The following CDC73 variants were observed in gnomAD, a reference collection of about 807,000 sequenced individuals.
The protein encoded by CDC73 is parafibromin.
In CDC73, 21 loss-of-function variants were observed where a neutral mutation model predicts 83.7. That is an observed-to-expected ratio of 0.25 (90% confidence interval 0.18 to 0.36). The LOEUF is 0.36. Among genes scored for constraint, CDC73 ranks in the 10% least tolerant of loss-of-function variants. The pLI is 1.00. For missense variants in CDC73, 342 were observed against 653.3 expected, an observed-to-expected ratio of 0.52 and a Z score of 5.19; for synonymous variants, 224 against 212.9, an observed-to-expected ratio of 1.05 and a Z score of -0.45.
At chr1:193,204,283 A>G (rs1305472880) in intron 11 of CDC73, among the ~76,000 whole-genome samples, 156 of 131,990 alleles carry the variant, frequency 1.2e-3, no homozygotes, top group African/African-American at 4.1e-3. Context: ...GTGTGTATAT[A>G]TATATTTTTT....
Position 193,254,019 on chromosome 1 carries a change from A to G in CDC73, c.*3307A>G. 1 of 223,044 alleles carries G rather than the reference A, an allele frequency of 4.5e-6. No homozygotes were observed. Among genetic ancestry groups the G allele is most frequent in the East Asian group, 6.7e-5 (1 of 14,988 alleles). 13.8% of individuals were successfully genotyped at this position (223,044 alleles called of 1,614,324 possible). On this transcript the variant is annotated 3_prime_UTR_variant, in exon 17 of 17. Transcript: ENST00000367435. ...TTATAATATTACAAATACAACAATT[A>G]TTTATAAAAGCTAGTCAAATTAATG...
At chr1:193,189,615 T>C in intron 10 of CDC73, among the ~76,000 whole-genome samples, 1 of 152,230 alleles carries the variant, frequency 6.6e-6, no homozygotes, top group East Asian at 1.9e-4. Flanking sequence ...GCAAAATAGG[T>C]GGCCGTTACT....
At chr1:193,133,742 G>A (rs1411555615) in intron 3 of CDC73, among the ~76,000 whole-genome samples, 2 of 152,064 alleles carry the variant, frequency 1.3e-5, no homozygotes, top group Non-Finnish European at 2.9e-5. Flanking sequence ...CACAGATAAA[G>A]GGCTAATCTC....
chr1:193,244,209 A>G (rs1393999119), intron 15 of CDC73, among the ~76,000 whole-genome samples: 1 of 152,250 alleles, frequency 6.6e-6, no homozygotes, highest in Non-Finnish European at 1.5e-5. Flanking sequence ...TCATTATTTT[A>G]TAACCTACCT....
chr1:193,216,982 A>G (rs528742129), intron 13 of CDC73, among the ~76,000 whole-genome samples: 2 of 152,188 alleles, frequency 1.3e-5, no homozygotes, highest in African/African-American at 2.4e-5. Flanking sequence ...AGCCAACATC[A>G]TACTGAATAG....
At chr1:193,215,535 A>G (rs1265825925) in intron 13 of CDC73, among the ~76,000 whole-genome samples, 1 of 152,130 alleles carries the variant, frequency 6.6e-6, no homozygotes, top group Non-Finnish European at 1.5e-5. Context: ...ACAGTTACAT[A>G]GAAATTAAAC....
intron 15 of CDC73, among the ~76,000 whole-genome samples, chr1:193,242,774 G>A (rs1206365748): frequency 6.6e-6 from 1 of 152,018 alleles, no homozygotes; most frequent in Admixed American, 6.6e-5. Context: ...TATTAAAAGG[G>A]CACCTCTTTG....
intron 11 of CDC73, among the ~76,000 whole-genome samples, chr1:193,209,887 C>G (rs925381557): frequency 2.0e-5 from 3 of 152,096 alleles, no homozygotes; most frequent in Admixed American, 2.0e-4. Context: ...TCCCCCCTCT[C>G]TGCCTTCCTT....
intron 10 of CDC73, among the ~76,000 whole-genome samples, chr1:193,168,805 G>A (rs1452910355): frequency 1.3e-5 from 2 of 152,214 alleles, no homozygotes; most frequent in African/African-American, 4.8e-5. Context: ...GATTACACGC[G>A]TGAGCCACAG....
chr1:193,131,530 C>T lies in CDC73; in HGVS notation c.307+1287C>T, dbSNP rs139400107. 4.1e-4 allele frequency among the ~76,000 whole-genome samples: 63 copies of T among 152,262 alleles called. No individual in the cohort carries two copies. In the East Asian group the frequency reaches 4.6e-3, roughly 11 times the overall value. On this transcript the variant is annotated intron_variant, in intron 3 of 16. Transcript: ENST00000367435. ...AAAAAGTATATAAACTTGATTGTGT[C>T]ACTCACCTGTGGCTTCCCATCACTC...
In CDC73 at chr1:193,253,756, T is replaced by A. The variant is rs1678085137; in HGVS notation, c.*3044T>A. 4.3e-6 allele frequency: 1 copy of A among 231,112 alleles called. No homozygotes were observed. Among genetic ancestry groups the A allele is most frequent in the Non-Finnish European group, 8.6e-6 (1 of 116,768 alleles). The allele number at this position is 231,112 out of a possible 1,614,324, so 14.3% of individuals were successfully genotyped here. A position where few individuals can be genotyped will look rare whatever the true frequency, so the allele number is the denominator to read the frequency against. ...CATGTAGAATGAGACAAATACAGTT[T>A]GCTTATGAAAGGAAAGTGGCATACT... On this transcript the variant is annotated 3_prime_UTR_variant, in exon 17 of 17. Transcript: ENST00000367435.
chr1:193,219,928 G>C (rs552270137), intron 13 of CDC73, among the ~76,000 whole-genome samples: 14 of 152,300 alleles, frequency 9.2e-5, no homozygotes, highest in Non-Finnish European at 1.8e-4. Flanking sequence ...TTCTGGTCTT[G>C]ATAGTAGTGT....
At chr1:193,123,187 G>A (rs1177101490) in intron 1 of CDC73, among the ~76,000 whole-genome samples, 1 of 152,150 alleles carries the variant, frequency 6.6e-6, no homozygotes, top group African/African-American at 2.4e-5. Flanking sequence ...GCTTTATGAA[G>A]AGTCGATGAA....
At chr1:193,246,717 C>G (rs956426187) in intron 15 of CDC73, among the ~76,000 whole-genome samples, 2 of 152,100 alleles carry the variant, frequency 1.3e-5, no homozygotes, top group Non-Finnish European at 1.5e-5. Flanking sequence ...AGAAAAATCT[C>G]TTTATCCTCT....
At chr1:193,181,253 G>A (rs1676710258) in intron 10 of CDC73, 6 of 1,613,982 alleles carry the variant, frequency 3.7e-6, no homozygotes, top group Non-Finnish European at 5.1e-6. Flanking sequence ...TGTGGTGACA[G>A]GTCTGTGTTA....
chr1:193,242,135 C>G (rs915784297), intron 15 of CDC73, among the ~76,000 whole-genome samples: 10 of 145,830 alleles, frequency 6.9e-5, no homozygotes, highest in African/African-American at 2.4e-4. Context: ...GGTGCTTCCC[C>G]CACCCCGACT....
chr1:193,161,501 A>T (rs762298368), intron 10 of CDC73, among the ~76,000 whole-genome samples: 1 of 144,222 alleles, frequency 6.9e-6, no homozygotes, highest in Admixed American at 7.5e-5. Flanking sequence ...TTGAAACTAT[A>T]TAAGATCAAA....
At chr1:193,189,154 A>G (rs949429379) in intron 10 of CDC73, among the ~76,000 whole-genome samples, 4 of 152,086 alleles carry the variant, frequency 2.6e-5, no homozygotes, top group Non-Finnish European at 5.9e-5. Flanking sequence ...AGGTTTTACT[A>G]TGTTGCCCAG....
intron 3 of CDC73, among the ~76,000 whole-genome samples, chr1:193,132,951 G>T (rs912717949): frequency 6.8e-6 from 1 of 147,952 alleles, no homozygotes; most frequent in African/African-American, 2.5e-5. Context: ...CCCCAGGCTG[G>T]AGTGCAGTGG....
Sources: allele counts gnomAD v4.1 joint callset (sites outside exome capture counted in the v4.1 genomes callset), GRCh38; gene constraint gnomAD v4.1.1; transcripts MANE v1.5; gene names NCBI Gene and HGNC (gene_info 2026-07-23, HGNC 2026-07-21).